Variants in CPEB3 observed in about 807,000 individuals in gnomAD.
CPEB3 encodes cytoplasmic polyadenylation element binding protein 3.
In CPEB3, 20 loss-of-function variants were observed where a neutral mutation model predicts 67.2. That is an observed-to-expected ratio of 0.30 (90% confidence interval 0.21 to 0.43). CPEB3 has a LOEUF of 0.43. Among genes scored for constraint, CPEB3 ranks in the 20% least tolerant of loss-of-function variants. The probability of loss-of-function intolerance (pLI) is 1.00; values close to 1 mark genes in which losing one functional copy is unlikely to be tolerated. For missense variants in CPEB3, 746 were observed against 968.6 expected, an observed-to-expected ratio of 0.77 and a Z score of 3.05; for synonymous variants, 376 against 393.1, an observed-to-expected ratio of 0.96 and a Z score of 0.51.
intron 1 of CPEB3, among the ~76,000 whole-genome samples, chr10:92,274,514 A>G (rs1027615668): frequency 6.6e-6 from 1 of 152,202 alleles, no homozygotes; most frequent in African/African-American, 2.4e-5. Flanking sequence ...TACCTGGAAT[A>G]TAAGTATATG....
chr10:92,175,962 G>C (rs1252524567), intron 4 of CPEB3, among the ~76,000 whole-genome samples: 2 of 152,254 alleles, frequency 1.3e-5, no homozygotes, highest in East Asian at 1.9e-4. Flanking sequence ...ATAGTGGCGT[G>C]TGCCTGTAGT....
chr10:92,110,565 G>A (rs763754220), intron 7 of CPEB3, among the ~76,000 whole-genome samples: 2 of 152,146 alleles, frequency 1.3e-5, no homozygotes, highest in African/African-American at 2.4e-5. Flanking sequence ...TTAGCTCCAC[G>A]TTCTCTGCCC....
chr10:92,233,318 C>T (rs1851362938), intron 2 of CPEB3, among the ~76,000 whole-genome samples: 1 of 152,002 alleles, frequency 6.6e-6, no homozygotes, highest in African/African-American at 2.4e-5. Context: ...AACTCGAGGT[C>T]AGGAGTTCAA....
rs1346806125 is a variant in CPEB3 at position 92,134,904 on chromosome 10, A to G, written c.1453+8125T>C. Among the ~76,000 whole-genome samples, 12 of 150,540 alleles carry G rather than the reference A, an allele frequency of 8.0e-5. No homozygotes were observed. The East Asian group carries it at 1.2e-3, about 15-fold the overall frequency. On this transcript the variant is annotated intron_variant, in intron 6 of 9. Coordinates refer to ENST00000265997, the MANE Select transcript of CPEB3 (RefSeq NM_014912.5). The stretch of plus-strand genomic sequence containing the variant: ...TCTTTGACAAACCTGACAAAAACAA[A>G]AAATGGGGAAAGGATTCCCTATTTA...
Position 92,258,625 on chromosome 10 carries a change from AATATATATATATATAT to A in CPEB3, c.-11-18280_-11-18265del, listed in dbSNP as rs56316802. On this transcript the variant is annotated intron_variant, in intron 1 of 9. Transcript: ENST00000265997. Reference sequence around the variant, plus strand: ...TTCCAGACTTCAATTATATTTTTTGAATATATATATATATATATATATATATATATATATATATATA... The same window carrying A: ...TTCCAGACTTCAATTATATTTTTTGAATATATATATATATATATATATATA... 6.0e-3 allele frequency among the ~76,000 whole-genome samples: 197 copies of A among 32,884 alleles called. 4 individuals are homozygous for A. The highest frequency in any genetic ancestry group is 0.026 in the South Asian group (22 of 834). The allele number at this position is 32,884 out of a possible 152,430, so 21.6% of individuals were successfully genotyped here.
chr10:92,154,418 A>T (rs1470002090), intron 4 of CPEB3, among the ~76,000 whole-genome samples: 1 of 152,136 alleles, frequency 6.6e-6, no homozygotes, highest in Non-Finnish European at 1.5e-5. Context: ...ATTTCTCATT[A>T]TTACTGCTTC....
intron 2 of CPEB3, among the ~76,000 whole-genome samples, chr10:92,220,282 C>G (rs1328487532): frequency 6.6e-6 from 1 of 152,126 alleles, no homozygotes; most frequent in African/African-American, 2.4e-5. Flanking sequence ...AGTATTAGCA[C>G]AATTAATCTG....
chr10:92,245,562 C>G (rs1852024436), intron 1 of CPEB3, among the ~76,000 whole-genome samples: 1 of 152,130 alleles, frequency 6.6e-6, no homozygotes, highest in African/African-American at 2.4e-5. Context: ...TGTAATGTGA[C>G]CTTAGCTTAT....
intron 2 of CPEB3, among the ~76,000 whole-genome samples, chr10:92,217,418 A>T (rs1183902911): frequency 6.6e-6 from 1 of 152,038 alleles, no homozygotes. Context: ...GACTCCCAGC[A>T]TGCTTTTCAA....
chr10:92,059,438 T>C (rs183963318), intron 9 of CPEB3, among the ~76,000 whole-genome samples: 47 of 150,050 alleles, frequency 3.1e-4, no homozygotes, highest in African/African-American at 1.1e-3. Flanking sequence ...TTGAAACAAA[T>C]GATAATGAAA....
intron 4 of CPEB3, among the ~76,000 whole-genome samples, chr10:92,155,873 T>C (rs1186160766): frequency 1.3e-5 from 2 of 152,188 alleles, no homozygotes; most frequent in Non-Finnish European, 2.9e-5. Context: ...AGTATTTTTT[T>C]CAGAAGCTTA....
chr10:92,198,706 C>G (rs1052973308), intron 2 of CPEB3, among the ~76,000 whole-genome samples: 1 of 152,210 alleles, frequency 6.6e-6, no homozygotes, highest in Admixed American at 6.5e-5. Flanking sequence ...TACAACGCTG[C>G]AGAGTAGGTA....
chr10:92,246,594 C>T (rs929312264), intron 1 of CPEB3, among the ~76,000 whole-genome samples: 1 of 151,382 alleles, frequency 6.6e-6, no homozygotes. Flanking sequence ...CTGCAACCTC[C>T]GCCTCCTGGG....
intron 2 of CPEB3, chr10:92,216,696 G>C: frequency 6.2e-7 from 1 of 1,605,268 alleles, no homozygotes; most frequent in Middle Eastern, 1.9e-4. Flanking sequence ...GGCTCCAAGC[G>C]CCCCACCTGT....
At chr10:92,103,736 G>A (rs1256322887) in intron 7 of CPEB3, among the ~76,000 whole-genome samples, 1 of 152,218 alleles carries the variant, frequency 6.6e-6, no homozygotes, top group Non-Finnish European at 1.5e-5. Context: ...CAAAGCTTGA[G>A]AAAAATGAGT....
At chr10:92,078,248 G>C (rs931393777) in intron 9 of CPEB3, among the ~76,000 whole-genome samples, 21 of 152,246 alleles carry the variant, frequency 1.4e-4, no homozygotes, top group African/African-American at 5.1e-4. Flanking sequence ...CGGGACCAGT[G>C]CTGTTTTCAC....
intron 4 of CPEB3, among the ~76,000 whole-genome samples, chr10:92,150,234 T>C (rs1399296394): frequency 6.6e-6 from 1 of 152,002 alleles, no homozygotes; most frequent in Non-Finnish European, 1.5e-5. Flanking sequence ...AAATAATCTA[T>C]TTCCCTCTGC....
chr10:92,240,418 G>C, intron 1 of CPEB3, 57 bp from the exon 2 acceptor site: 3 of 1,387,168 alleles, frequency 2.2e-6, no homozygotes, highest in Non-Finnish European at 2.8e-6. Flanking sequence ...AATGTCCCTC[G>C]CTGAAGCGGG....
intron 4 of CPEB3, among the ~76,000 whole-genome samples, chr10:92,169,883 C>A (rs1847924749): frequency 6.6e-6 from 1 of 152,130 alleles, no homozygotes; most frequent in Non-Finnish European, 1.5e-5. Context: ...TTTGGATAAA[C>A]CTAATTTCCA....
Sources: allele counts gnomAD v4.1 joint callset (sites outside exome capture counted in the v4.1 genomes callset), GRCh38; gene constraint gnomAD v4.1.1; transcripts MANE v1.5; gene names NCBI Gene and HGNC (gene_info 2026-07-23, HGNC 2026-07-21).